ZFAND3: variants seen among roughly 807,000 people sequenced by gnomAD.
ZFAND3 encodes the protein zinc finger AN1-type containing 3, also known as AN1-type zinc finger protein 3.
ZFAND3 carries 10 observed loss-of-function variants against 29.6 expected under a neutral mutation model. That is an observed-to-expected ratio of 0.34 (90% CI 0.21 to 0.57). The LOEUF (loss-of-function observed/expected upper bound fraction) is 0.57, where lower values mean the gene tolerates loss of function less well. ZFAND3 is among the 20% of genes least tolerant of loss of function. ZFAND3 has a pLI of 0.86. For missense variants in ZFAND3, 230 were observed against 304.5 expected, an observed-to-expected ratio of 0.76 and a Z score of 1.82; for synonymous variants, 128 against 112.6, an observed-to-expected ratio of 1.14 and a Z score of -0.87.
chr6:38,110,719 G>T (rs146697944), intron 4 of ZFAND3, among the ~76,000 whole-genome samples: 7 of 152,180 alleles, frequency 4.6e-5, no homozygotes, highest in Non-Finnish European at 1.0e-4. Context: ...TTCATCTTTC[G>T]TAGAAGTAAG....
intron 2 of ZFAND3, among the ~76,000 whole-genome samples, chr6:37,982,796 T>C (rs966256553): frequency 6.6e-6 from 1 of 152,188 alleles, no homozygotes; most frequent in Non-Finnish European, 1.5e-5. Flanking sequence ...TCGGGAGGTA[T>C]TCCAGAAGAA....
intron 1 of ZFAND3, among the ~76,000 whole-genome samples, chr6:37,884,995 A>G (rs1764963958): frequency 6.6e-6 from 1 of 152,200 alleles, no homozygotes; most frequent in Non-Finnish European, 1.5e-5. Context: ...ACAGACATCC[A>G]CATGATTGTT....
chr6:37,886,482 T>A (rs189811546), intron 1 of ZFAND3, among the ~76,000 whole-genome samples: 116 of 152,296 alleles, frequency 7.6e-4, no homozygotes, highest in African/African-American at 2.6e-3. Flanking sequence ...AAAGGCTGAA[T>A]CCTAAAATAG....
intron 1 of ZFAND3, among the ~76,000 whole-genome samples, chr6:37,892,508 G>C: frequency 6.6e-6 from 1 of 152,216 alleles, no homozygotes; most frequent in East Asian, 1.9e-4. Context: ...CCTATGTTAA[G>C]AGGGAAGAAA....
intron 1 of ZFAND3, among the ~76,000 whole-genome samples, chr6:37,914,677 T>TTTTTTTTTTTTTG (rs1761204892): frequency 6.9e-6 from 1 of 145,442 alleles, no homozygotes; most frequent in Non-Finnish European, 1.5e-5. Context: ...TTTTTCTTTT[T>TTTTTTTTTTTTTG]TTTTTAGTGG....
chr6:38,056,940 C>T (rs184813855), intron 2 of ZFAND3, among the ~76,000 whole-genome samples: 9 of 152,320 alleles, frequency 5.9e-5, no homozygotes, highest in African/African-American at 1.9e-4. Flanking sequence ...TTACAAGTAA[C>T]AGTTTGCTTT....
intron 5 of ZFAND3, among the ~76,000 whole-genome samples, chr6:38,139,670 G>A (rs1181183315): frequency 6.6e-6 from 1 of 152,162 alleles, no homozygotes; most frequent in East Asian, 1.9e-4. Flanking sequence ...GTGGAGCACG[G>A]TAATCACAGA....
At chr6:37,975,741 T>C (rs1285042715) in intron 2 of ZFAND3, among the ~76,000 whole-genome samples, 1 of 152,216 alleles carries the variant, frequency 6.6e-6, no homozygotes, top group Non-Finnish European at 1.5e-5. Context: ...TTCTGTTGCA[T>C]TGATCTGTTT....
At chr6:38,140,591 G>T (rs1184891152) in intron 5 of ZFAND3, among the ~76,000 whole-genome samples, 1 of 152,206 alleles carries the variant, frequency 6.6e-6, no homozygotes, top group African/African-American at 2.4e-5. Flanking sequence ...CTGGTTGCAA[G>T]TGATCCTCCT....
At chr6:37,862,093 T>C (rs1398907465) in intron 1 of ZFAND3, among the ~76,000 whole-genome samples, 1 of 150,528 alleles carries the variant, frequency 6.6e-6, no homozygotes, top group African/African-American at 2.5e-5. Flanking sequence ...TTTTAAGTTA[T>C]GTTTTGATTT....
intron 1 of ZFAND3, among the ~76,000 whole-genome samples, chr6:37,913,057 C>T (rs932581950): frequency 6.6e-6 from 1 of 152,254 alleles, no homozygotes; most frequent in South Asian, 2.1e-4. Flanking sequence ...AACAATCATC[C>T]AAACCTTCAG....
chr6:38,016,343 AACCAT>A (rs1763252300), intron 2 of ZFAND3, among the ~76,000 whole-genome samples: 1 of 152,214 alleles, frequency 6.6e-6, no homozygotes, highest in Non-Finnish European at 1.5e-5. Flanking sequence ...TGTTTCAAAG[AACCAT>A]ACTTCAGAGA....
chr6:37,922,628 T>C (rs983269048), intron 1 of ZFAND3, among the ~76,000 whole-genome samples: 1 of 152,184 alleles, frequency 6.6e-6, no homozygotes, highest in African/African-American at 2.4e-5. Context: ...ACCTAGGTGG[T>C]ATAGCCTACT....
intron 4 of ZFAND3, among the ~76,000 whole-genome samples, chr6:38,110,670 G>A (rs1035114555): frequency 6.6e-6 from 1 of 152,182 alleles, no homozygotes; most frequent in Non-Finnish European, 1.5e-5. Flanking sequence ...AACTGATTGA[G>A]TACCTCAAGA....
At chr6:38,071,184 G>C (rs1021343906) in intron 3 of ZFAND3, among the ~76,000 whole-genome samples, 2 of 151,484 alleles carry the variant, frequency 1.3e-5, no homozygotes, top group African/African-American at 4.8e-5. Flanking sequence ...ATGTTACTTG[G>C]CTTTTAATTT....
At chr6:37,894,309 G>T (rs1765157130) in intron 1 of ZFAND3, among the ~76,000 whole-genome samples, 1 of 152,032 alleles carries the variant, frequency 6.6e-6, no homozygotes, top group Admixed American at 6.6e-5. Flanking sequence ...CTGTTTACTT[G>T]TGCTCATTTC....
chr6:38,152,288 G>A lies in ZFAND3; in HGVS notation c.583G>A (p.Asp195Asn). 2 of 1,606,626 alleles carry A rather than the reference G, an allele frequency of 1.2e-6. No individual in the cohort carries two copies. Among genetic ancestry groups the A allele is most frequent in the Non-Finnish European group, 1.7e-6 (2 of 1,176,820 alleles). ...RLPEQHDCTF[D>N]HMGRGREEAI... Reference sequence around the variant, plus strand: ...CCCCGAGCAGCACGACTGCACATTCGACCACATGGGCCGTGGCCGGGAGGA... The same window carrying A: ...CCCCGAGCAGCACGACTGCACATTCAACCACATGGGCCGTGGCCGGGAGGA... The change falls in exon 6 of 6, where the codon GAC becomes AAC. Residue 195 changes from aspartate to asparagine, a missense_variant. Asp to Asn is a conservative substitution (Grantham distance 23). Transcript: ENST00000287218.
chr6:37,955,386 G>A (rs985160079), intron 2 of ZFAND3, among the ~76,000 whole-genome samples: 5 of 152,170 alleles, frequency 3.3e-5, no homozygotes, highest in African/African-American at 1.2e-4. Context: ...GGGAACCAAA[G>A]TTTGGTTGCT....
intron 1 of ZFAND3, among the ~76,000 whole-genome samples, chr6:37,831,783 A>G (rs922235667): frequency 1.3e-5 from 2 of 152,182 alleles, no homozygotes; most frequent in Non-Finnish European, 2.9e-5. Flanking sequence ...GTGCAAACAC[A>G]AGTCCATATG....
Sources: allele counts gnomAD v4.1 joint callset (sites outside exome capture counted in the v4.1 genomes callset), GRCh38; gene constraint gnomAD v4.1.1; transcripts MANE v1.5; gene names NCBI Gene and HGNC (gene_info 2026-07-23, HGNC 2026-07-21).